Variants in GOLGA8M observed in about 807,000 individuals in gnomAD.
GOLGA8M encodes the protein golgin A8 family member M.
A neutral mutation model predicts 87.7 loss-of-function variants in GOLGA8M; 34 were observed. That is an observed-to-expected ratio of 0.39 (90% CI 0.29 to 0.52). GOLGA8M has a LOEUF of 0.52. Among genes scored for constraint, GOLGA8M ranks in the 20% least tolerant of loss-of-function variants. The probability of loss-of-function intolerance (pLI) is 0.80; values close to 1 mark genes in which losing one functional copy is unlikely to be tolerated. For synonymous variants in GOLGA8M, 138 were observed against 250.2 expected (o/e 0.55, Z 4.23); for missense variants, 396 against 682.2 (o/e 0.58, Z 4.67).
intron 13 of GOLGA8M, among the ~76,000 whole-genome samples, chr15:28,704,757 T>G (rs79368243): frequency 2.1e-5 from 3 of 145,450 alleles, no homozygotes; most frequent in Non-Finnish European, 4.4e-5. Flanking sequence ...TTTTTTTTTT[T>G]TGTAATTTTA....
chr15:28,707,770 G>A lies in GOLGA8M; in HGVS notation c.569C>T (p.Thr190Ile), dbSNP rs1263168313. 6.4e-7 allele frequency: 1 copy of A among 1,550,928 alleles called. No individual in the cohort carries two copies. Among genetic ancestry groups the A allele is most frequent in the Non-Finnish European group, 8.6e-7 (1 of 1,156,876 alleles). Residue 190 changes from threonine (T) to isoleucine (I), a missense_variant, in exon 8 of 19, where the codon ACA becomes ATA. Coordinates refer to ENST00000563027, the MANE Select transcript of GOLGA8M (RefSeq NM_001282468.3). Reference sequence around the variant, plus strand: ...CACCTGGTTTGCCTTCTTCTTCTGTGTGGCCATGACATCAGAGAGAACACT... The same window carrying A: ...CACCTGGTTTGCCTTCTTCTTCTGTATGGCCATGACATCAGAGAGAACACT... The part of the protein sequence containing the change: ...LESVLSDVMA[T>I]QKKKANQLSS...
chr15:28,706,773 C>T lies in GOLGA8M; in HGVS notation c.592-74G>A, dbSNP rs147987135. On this transcript the variant is annotated intron_variant, in intron 8 of 18. Coordinates refer to ENST00000563027, the MANE Select transcript of GOLGA8M (RefSeq NM_001282468.3). ...CCACACAGTGCCCCTTAACAGGGCT[C>T]GGGCTAGGCCCAATATACAACTCGG... is the stretch of plus-strand genomic sequence containing the variant. 52 of 1,408,614 alleles carry T rather than the reference C, an allele frequency of 3.7e-5. 1 individual carries two copies. Among genetic ancestry groups the T allele is most frequent in the South Asian group, 7.3e-5 (6 of 82,220 alleles). The allele number at this position is 1,408,614 out of a possible 1,614,324, so 87.3% of individuals were successfully genotyped here. A position where few individuals can be genotyped will look rare whatever the true frequency, so the allele number is the denominator to read the frequency against.
In GOLGA8M at chr15:28,704,028, A is replaced by G. The variant is rs879116838; in HGVS notation, c.1201-111T>C. On this transcript the variant is annotated intron_variant, in intron 13 of 18. Coordinates refer to ENST00000563027, the MANE Select transcript of GOLGA8M (RefSeq NM_001282468.3). Reference sequence around the variant, plus strand: ...GGTCTCCTGCAACTTTTGGCAGGCCATATCGGCCACCGCTTTGCCTCAAGC... The same window carrying G: ...GGTCTCCTGCAACTTTTGGCAGGCCGTATCGGCCACCGCTTTGCCTCAAGC... 15 of 1,552,494 alleles carry G rather than the reference A, an allele frequency of 9.7e-6. 1 individual carries two copies. Among genetic ancestry groups the G allele is most frequent in the South Asian group, 9.2e-5 (8 of 87,264 alleles).
At position 28,706,674 on chromosome 15, in the gene GOLGA8M, G is replaced by A. The variant is rs1178092167; in HGVS notation, c.617C>T (p.Thr206Met). 59 of 1,549,800 alleles carry A rather than the reference G, an allele frequency of 3.8e-5. No homozygotes were observed. Among genetic ancestry groups the A allele is most frequent in the Middle Eastern group, 2.3e-4 (1 of 4,374 alleles). The change falls in exon 9 of 19, where the codon ACG becomes ATG. Residue 206 changes from threonine to methionine, a missense_variant. Thr to Met is a moderately conservative substitution (Grantham distance 81). Around this residue, in one of 12 missense-constraint regions of GOLGA8M, gnomAD observed 80 missense variants for 119.9 expected, o/e 0.67. Coordinates refer to ENST00000563027, the MANE Select transcript of GOLGA8M (RefSeq NM_001282468.3). ...CATGGACTGCTCTAACTTCCACTCCGTACCTGCTTTACTGGGGCTGGACAA... is the reference window on the plus strand; with the variant it reads ...CATGGACTGCTCTAACTTCCACTCCATACCTGCTTTACTGGGGCTGGACAA... ...NQLSSPSKAG[T>M]EWKLEQSMRE...
chr15:28,701,984 G>C lies in GOLGA8M; in HGVS notation c.1869C>G (p.Cys623Trp), dbSNP rs777991280. Residue 623 changes from cysteine to tryptophan, a missense_variant, in exon 19 of 19, where the codon TGC (cysteine) becomes TGG (tryptophan). Around this residue, in one of 12 missense-constraint regions of GOLGA8M, gnomAD observed 35 missense variants for 61.4 expected, o/e 0.57. Coordinates refer to ENST00000563027, the MANE Select transcript of GOLGA8M (RefSeq NM_001282468.3). ...LGSNCCVPFF[C>W]WAWLPRRRR The stretch of plus-strand genomic sequence containing the variant: ...TCCTTCTTCTTGGCAGCCAAGCCCA[G>C]CAAAAGAATGGCACACAGCAGTTGC... 1 of 1,599,752 alleles carries C rather than the reference G, an allele frequency of 6.3e-7. No homozygotes were observed. The highest frequency in any genetic ancestry group is 1.7e-5 in the Admixed American group (1 of 59,958).
rs200857339 is a variant in GOLGA8M at position 28,702,062 on chromosome 15, C to A, written c.1791G>T (p.Lys597Asn). The A allele has an allele frequency of 6.3e-7, 1 of 1,593,098 alleles. No homozygotes were observed. Among genetic ancestry groups the A allele is most frequent in the Non-Finnish European group, 8.5e-7 (1 of 1,177,870 alleles). ...GEAREDPLLD[K>N]PTAQPIVQDH... is the part of the protein sequence containing the mutation. Reference sequence around the variant, plus strand: ...CCTGCACGATCGGCTGTGCAGTAGGCTTGTCAAGGAGAGGATCCTCCCTGG... The same window carrying A: ...CCTGCACGATCGGCTGTGCAGTAGGATTGTCAAGGAGAGGATCCTCCCTGG... The change falls in exon 19 of 19, where the codon AAG becomes AAT. Residue 597 changes from lysine to asparagine, a missense_variant. Lys to Asn is a moderately conservative substitution (Grantham distance 94). Coordinates refer to ENST00000563027, the MANE Select transcript of GOLGA8M (RefSeq NM_001282468.3).
rs771073059 is a variant in GOLGA8M at position 28,703,938 on chromosome 15, G to T, written c.1201-21C>A. The T allele has an allele frequency of 3.1e-6, 5 of 1,592,224 alleles. No homozygotes were observed. In the African/African-American group the frequency reaches 5.4e-5, roughly 17 times the overall value. ...TGCTCCTAAGGGGCCAGGAAAGAGT[G>T]AGAAGGGATGGAGTTTGCCAGGTCG... On this transcript the variant is annotated intron_variant, in intron 13 of 18. Coordinates refer to ENST00000563027, the MANE Select transcript of GOLGA8M (RefSeq NM_001282468.3).
chr15:28,704,195 A>C (rs2079931595), intron 13 of GOLGA8M, among the ~76,000 whole-genome samples: 1 of 145,214 alleles, frequency 6.9e-6, no homozygotes, highest in South Asian at 2.2e-4. Context: ...GACCCAGGTA[A>C]TGGTCTGGCT....
rs944124429 is a variant in GOLGA8M, at chr15:28,701,468, A to G, written c.*486T>C. Among the ~76,000 whole-genome samples the G allele has an allele frequency of 5.9e-5, 9 of 151,804 alleles. No homozygotes were observed. In the South Asian group the frequency reaches 6.3e-4, roughly 11 times the overall value. Reference sequence around the variant, plus strand: ...TATTACAAAGTAATAAACAGTGCACACTTGGGGGCAAACTACATATTGAGC... The same window carrying G: ...TATTACAAAGTAATAAACAGTGCACGCTTGGGGGCAAACTACATATTGAGC... On this transcript the variant is annotated 3_prime_UTR_variant, in exon 19 of 19. Coordinates refer to ENST00000563027, the MANE Select transcript of GOLGA8M (RefSeq NM_001282468.3).
At chr15:28,702,951 C>G (rs570370943) in intron 15 of GOLGA8M, 2 of 975,476 alleles carry the variant, frequency 2.1e-6, no homozygotes, top group Admixed American at 1.3e-4. Context: ...CCTTCTGGGC[C>G]GAGGCCACCG....
chr15:28,711,995 C>T, intron 1 of GOLGA8M: 1 of 984,942 alleles, frequency 1.0e-6, no homozygotes, highest in African/African-American at 1.7e-5. Context: ...CCAGGGAGAT[C>T]AAGCTTGGGG....
At chr15:28,704,066 C>T (rs867786425) in intron 13 of GOLGA8M, 149 bp from the exon 14 acceptor site, 2 of 1,532,654 alleles carry the variant, frequency 1.3e-6, no homozygotes, top group Middle Eastern at 4.4e-4. Context: ...CCTGCTACTG[C>T]AGCTGGTTCA....
At chr15:28,707,284 C>T (rs912536039) in intron 8 of GOLGA8M, among the ~76,000 whole-genome samples, 3 of 135,914 alleles carry the variant, frequency 2.2e-5, no homozygotes, top group Admixed American at 8.3e-5. Context: ...AAGTATCTCC[C>T]GGCCATCTTG....
chr15:28,704,976 C>A (rs1277016705), intron 13 of GOLGA8M, 183 bp downstream of exon 13: 7 of 906,040 alleles, frequency 7.7e-6, no homozygotes, highest in Non-Finnish European at 1.2e-5. Flanking sequence ...CTGAGAGGAG[C>A]CCAGGGCTAC....
In GOLGA8M at chr15:28,701,886, G is replaced by T; in HGVS notation, c.*68C>A. 1.7e-6 allele frequency: 2 copies of T among 1,210,514 alleles called. No individual in the cohort carries two copies. The highest frequency in any genetic ancestry group is 2.4e-6 in the Non-Finnish European group (2 of 850,900). The allele number at this position is 1,210,514 out of a possible 1,614,324, so 75.0% of individuals were successfully genotyped here. On this transcript the variant is annotated 3_prime_UTR_variant, in exon 19 of 19. Transcript: ENST00000563027. ...CAAAGGAAGTAAATGAATTGTGTAG[G>T]AGATTAACCCCATAACTTGGTTTCT...
In GOLGA8M at chr15:28,701,152, G is replaced by C. The variant is rs78929678; in HGVS notation, c.*802C>G. On this transcript the variant is annotated 3_prime_UTR_variant, in exon 19 of 19. Transcript: ENST00000563027. ...AGAAATAAGCCCTTTTTAGGTCATC[G>C]AAAAAGAGTACAACTGCTGCAGCTC... is the stretch of plus-strand genomic sequence containing the variant. 0.15 allele frequency among the ~76,000 whole-genome samples: 23,323 copies of C among 151,662 alleles called. 3,161 individuals are homozygous for C. Among genetic ancestry groups the C allele is most frequent in the East Asian group, 0.63 (3,186 of 5,088 alleles).
At chr15:28,707,383 CACAT>C (rs2080066313) in intron 8 of GOLGA8M, among the ~76,000 whole-genome samples, 1 of 143,550 alleles carries the variant, frequency 7.0e-6, no homozygotes, top group African/African-American at 2.7e-5. Context: ...CACACACACA[CACAT>C]GCACACGTTT....
chr15:28,702,882 C>T, intron 15 of GOLGA8M, 137 bp from the exon 16 acceptor site: 1 of 1,540,904 alleles, frequency 6.5e-7, no homozygotes. Flanking sequence ...AGTGGGTCTC[C>T]CCACTCACAG....
Position 28,704,136 on chromosome 15 carries a change from T to C in GOLGA8M, c.1201-219A>G, listed in dbSNP as rs1013210008. On this transcript the variant is annotated intron_variant, in intron 13 of 18. Transcript: ENST00000563027. ...CGCCTCCTTCTCACAGGTCAACTGC[T>C]GATAGGCGGCCACCTGCTGCTGATA... Among the ~76,000 whole-genome samples the C allele has an allele frequency of 1.4e-4, 21 of 147,876 alleles. 1 individual carries two copies. Among genetic ancestry groups the C allele is most frequent in the African/African-American group, 4.9e-4 (20 of 40,452 alleles).
Sources: allele counts gnomAD v4.1 joint callset (sites outside exome capture counted in the v4.1 genomes callset), GRCh38; gene constraint gnomAD v4.1.1; regional missense constraint gnomAD v4.1.1; transcripts MANE v1.5; gene names NCBI Gene and HGNC (gene_info 2026-07-23, HGNC 2026-07-21).